Variants in RERE observed in about 807,000 individuals in gnomAD.
The protein encoded by RERE is arginine-glutamic acid dipeptide repeats protein.
RERE carries 40 observed loss-of-function variants against 146.1 expected under a neutral mutation model. The observed-to-expected ratio is 0.27, with a 90% CI of 0.21 to 0.36. The LOEUF (loss-of-function observed/expected upper bound fraction) is 0.36. Among genes scored for constraint, RERE ranks in the 10% least tolerant of loss-of-function variants. RERE has a pLI of 1.00. For synonymous variants in RERE, 1,003 were observed against 866.0 expected (o/e 1.16, Z -2.78); for missense variants, 1,933 against 2,138.7 (o/e 0.90, Z 1.90).
intron 10 of RERE, among the ~76,000 whole-genome samples, chr1:8,491,354 C>T (rs1272551795): frequency 2.0e-5 from 3 of 152,168 alleles, no homozygotes; most frequent in Admixed American, 1.3e-4. Flanking sequence ...GCAGGAGAAT[C>T]GCTTGAACCT....
intron 6 of RERE, 37 bp from the exon 7 acceptor site, chr1:8,541,355 C>CA: frequency 7.3e-7 from 1 of 1,377,816 alleles, no homozygotes; most frequent in Non-Finnish European, 1.0e-6. Context: ...GTAATACCCT[C>CA]AACTGCTTTT....
intron 12 of RERE, among the ~76,000 whole-genome samples, chr1:8,385,924 G>C (rs1247285322): frequency 8.6e-6 from 1 of 116,384 alleles, no homozygotes; most frequent in Non-Finnish European, 1.6e-5. Context: ...AGTGGAGATC[G>C]CACCACTGCA....
chr1:8,361,520 C>A (rs1325220933), intron 17 of RERE, 30 bp from the exon 18 acceptor site: 1 of 1,605,100 alleles, frequency 6.2e-7, no homozygotes, highest in Admixed American at 1.7e-5. Context: ...GGATGGAAGT[C>A]CCAGGAGGGC....
At chr1:8,773,297 T>G (rs184316166) in intron 1 of RERE, among the ~76,000 whole-genome samples, 22 of 152,348 alleles carry the variant, frequency 1.4e-4, no homozygotes, top group Non-Finnish European at 1.6e-4. Flanking sequence ...TCAAGAAATA[T>G]TTCATGCTTT....
At chr1:8,380,474 G>A (rs952553343) in intron 12 of RERE, among the ~76,000 whole-genome samples, 2 of 151,850 alleles carry the variant, frequency 1.3e-5, no homozygotes, top group East Asian at 1.9e-4. Flanking sequence ...TCAACCTCCT[G>A]AGCAGCTGGA....
intron 1 of RERE, among the ~76,000 whole-genome samples, chr1:8,700,120 C>A (rs1014841389): frequency 2.6e-5 from 4 of 152,150 alleles, no homozygotes; most frequent in African/African-American, 9.7e-5. Flanking sequence ...ACCTCGCCAA[C>A]ATAGTGAAAC....
At chr1:8,752,197 T>C (rs147823397) in intron 1 of RERE, among the ~76,000 whole-genome samples, 1 of 152,044 alleles carries the variant, frequency 6.6e-6, no homozygotes, top group African/African-American at 2.4e-5. Flanking sequence ...CTGCTACTCT[T>C]CAAATGGAAA....
chr1:8,383,012 TA>T (rs35888808), intron 12 of RERE, among the ~76,000 whole-genome samples: 98,709 of 145,950 alleles, frequency 0.68, 33,226 homozygotes, highest in East Asian at 0.91. Context: ...TTGACTAAGT[TA>T]AAAAAAAAAA....
chr1:8,781,281 T>C (rs886677015), intron 1 of RERE, among the ~76,000 whole-genome samples: 4 of 149,942 alleles, frequency 2.7e-5, no homozygotes, highest in Non-Finnish European at 5.9e-5. Context: ...ACTTGAACCC[T>C]GGAGATGGAG....
At chr1:8,501,269 G>A (rs868779850) in intron 8 of RERE, among the ~76,000 whole-genome samples, 4 of 134,278 alleles carry the variant, frequency 3.0e-5, no homozygotes, top group Admixed American at 7.1e-5. Flanking sequence ...GCCTCTGCCC[G>A]GTCGCCCCTA....
intron 12 of RERE, among the ~76,000 whole-genome samples, chr1:8,368,143 T>C (rs1641888597): frequency 6.6e-6 from 1 of 152,174 alleles, no homozygotes; most frequent in Non-Finnish European, 1.5e-5. Flanking sequence ...ACTTCCTCAG[T>C]CCAAGTCATT....
chr1:8,692,253 G>C (rs1366145198), intron 1 of RERE, among the ~76,000 whole-genome samples: 7 of 151,996 alleles, frequency 4.6e-5, no homozygotes, highest in Non-Finnish European at 2.9e-5. Context: ...AGGGGAACTG[G>C]TTCCAGAACC....
chr1:8,433,553 CT>C (rs35096712), intron 11 of RERE, among the ~76,000 whole-genome samples: 172 of 130,180 alleles, frequency 1.3e-3, no homozygotes, highest in South Asian at 0.011. Context: ...CCATTCATTT[CT>C]TTTTTTTTTT....
rs1031567331 is a variant in RERE, at chr1:8,607,096, C to A, written c.522+7465G>T. On this transcript the variant is annotated intron_variant, in intron 4 of 22. Coordinates refer to ENST00000400908, the MANE Select transcript of RERE (RefSeq NM_001042681.2). Reference sequence around the variant, plus strand: ...ATATTGCCGGCCAGACGCAGTGGCTCACAATTGTAACCCTAACCCTTTCAG... The same window carrying A: ...ATATTGCCGGCCAGACGCAGTGGCTAACAATTGTAACCCTAACCCTTTCAG... Among the ~76,000 whole-genome samples the A allele has an allele frequency of 2.6e-5, 4 of 152,090 alleles. No individual in the cohort carries two copies. The East Asian group carries it at 7.7e-4, about 29-fold the overall frequency.
intron 4 of RERE, among the ~76,000 whole-genome samples, chr1:8,582,058 G>A (rs968648241): frequency 3.9e-5 from 6 of 151,916 alleles, no homozygotes; most frequent in African/African-American, 1.5e-4. Flanking sequence ...ATTGCTTGCT[G>A]GTATATAATA....
chr1:8,807,767 G>C (rs1165615990), intron 1 of RERE, among the ~76,000 whole-genome samples: 2 of 152,108 alleles, frequency 1.3e-5, no homozygotes, highest in African/African-American at 4.8e-5. Context: ...CACTCTAAAA[G>C]ACTAATTGTT....
At chr1:8,442,878 TTA>T (rs1644268203) in intron 11 of RERE, among the ~76,000 whole-genome samples, 1 of 152,096 alleles carries the variant, frequency 6.6e-6, no homozygotes, top group African/African-American at 2.4e-5. Context: ...AATGAGGACA[TTA>T]TTGGGCACTG....
chr1:8,678,609 C>CGGAGGTTGCAGGGAGGT (rs1412857512), intron 1 of RERE, among the ~76,000 whole-genome samples: 1 of 151,862 alleles, frequency 6.6e-6, no homozygotes, highest in African/African-American at 2.4e-5. Flanking sequence ...TGCAGGGAGG[C>CGGAGGTTGCAGGGAGGT]GGAGGTTGCA....
chr1:8,355,023 A>G lies in RERE; in HGVS notation c.*64T>C, dbSNP rs888424389. ...TGCTTTTGCAGCTCCTATTTTATGT[A>G]AAAAGTCCTGTTTCTCCCCCCAAGA... is the stretch of plus-strand genomic sequence containing the variant. On this transcript the variant is annotated 3_prime_UTR_variant, in exon 23 of 23. Transcript: ENST00000400908. 3 of 1,386,932 alleles carry G rather than the reference A, an allele frequency of 2.2e-6. No homozygotes were observed. Among genetic ancestry groups the G allele is most frequent in the Non-Finnish European group, 3.0e-6 (3 of 985,636 alleles). 85.9% of individuals were successfully genotyped at this position (1,386,932 alleles called of 1,614,324 possible). A position where few individuals can be genotyped will look rare whatever the true frequency, so the allele number is the denominator to read the frequency against.
Sources: gnomAD v4.1 joint callset for allele counts (sites outside exome capture counted in the v4.1 genomes callset) on GRCh38, gnomAD v4.1.1 for gene constraint, MANE v1.5 for transcripts, NCBI Gene and HGNC (gene_info 2026-07-23, HGNC 2026-07-21) for gene names.